NFIX: variants seen among roughly 807,000 people sequenced by gnomAD.
NFIX encodes nuclear factor I X.
NFIX carries 2 observed loss-of-function variants against 53.3 expected under a neutral mutation model. The ratio of observed to expected loss-of-function variants is 0.04; its 90% CI spans 0.02 to 0.12. NFIX has a LOEUF of 0.12. Among genes scored for constraint, NFIX ranks in the 10% least tolerant of loss-of-function variants. The probability of loss-of-function intolerance (pLI) is 1.00; values close to 1 mark genes in which losing one functional copy is unlikely to be tolerated. For missense variants in NFIX, 310 were observed against 674.5 expected (o/e 0.46, Z 5.99); for synonymous variants, 244 against 289.0 (o/e 0.84, Z 1.58).
Position 13,081,697 on chromosome 19 carries a change from G to A in NFIX, c.1096G>A (p.Ala366Thr). The A allele has an allele frequency of 6.2e-7, 1 of 1,613,706 alleles. No homozygotes were observed. Among genetic ancestry groups the A allele is most frequent in the Non-Finnish European group, 8.5e-7 (1 of 1,179,790 alleles). ...GVRPGSPRAT[A>T]SALHFPSTSI... Reference sequence around the variant, plus strand: ...GCATGCAGGGAGCCCCCGGGCCACAGCATCAGCCCTGCACTTCCCCTCCAC... The same window carrying A: ...GCATGCAGGGAGCCCCCGGGCCACAACATCAGCCCTGCACTTCCCCTCCAC... The change falls in exon 8 of 11, where the codon GCA becomes ACA. Residue 366 changes from alanine to threonine, a missense_variant. Physicochemically the swap from Ala to Thr is moderately conservative, Grantham distance 58. Around this residue, in one of 5 missense-constraint regions of NFIX, gnomAD observed 164 missense variants for 284.4 expected, o/e 0.58. Coordinates refer to ENST00000592199, the MANE Select transcript of NFIX (RefSeq NM_001365902.3). This position sits in a 1 kb window ranked among gnomAD's most constrained non-coding sequence, Gnocchi z 4.7.
At chr19:13,039,228 C>CACACA (rs1555698305) in intron 2 of NFIX, among the ~76,000 whole-genome samples, 15 of 144,524 alleles carry the variant, frequency 1.0e-4, no homozygotes, top group African/African-American at 4.0e-4. Flanking sequence ...ACACCCCCCC[C>CACACA]CACACACACA....
intron 2 of NFIX, among the ~76,000 whole-genome samples, chr19:13,065,116 C>T (rs993749232): frequency 3.3e-5 from 5 of 152,098 alleles, no homozygotes; most frequent in African/African-American, 1.2e-4. Context: ...TTCAGCATGC[C>T]CCCTTCGGCC....
chr19:13,044,898 C>A (rs916453421), intron 2 of NFIX, among the ~76,000 whole-genome samples: 1 of 152,214 alleles, frequency 6.6e-6, no homozygotes, highest in African/African-American at 2.4e-5. Flanking sequence ...GGCACAAAGA[C>A]AACAACCCTT....
intron 10 of NFIX, among the ~76,000 whole-genome samples, chr19:13,092,804 T>C (rs1035586757): frequency 3.3e-5 from 5 of 152,170 alleles, no homozygotes; most frequent in African/African-American, 9.7e-5. Flanking sequence ...TGCGGGCCGG[T>C]TCTCCCCCAC....
intron 2 of NFIX, among the ~76,000 whole-genome samples, chr19:13,035,880 G>A (rs1350162013): frequency 6.6e-6 from 1 of 152,290 alleles, no homozygotes; most frequent in East Asian, 1.9e-4. Flanking sequence ...GCTGCCTTTT[G>A]TACCCTTGCC....
At chr19:13,048,548 T>C (rs2015135700) in intron 2 of NFIX, among the ~76,000 whole-genome samples, 1 of 152,098 alleles carries the variant, frequency 6.6e-6, no homozygotes. Context: ...ATAATTCACA[T>C]AATAAAATTC....
At chr19:13,065,085 C>T (rs1269983503) in intron 2 of NFIX, among the ~76,000 whole-genome samples, 1 of 152,108 alleles carries the variant, frequency 6.6e-6, no homozygotes, top group Non-Finnish European at 1.5e-5. Flanking sequence ...CACCCACCTC[C>T]TTCCTCCTCC....
chr19:13,072,052 C>T lies in NFIX; in HGVS notation c.560-995C>T, dbSNP rs142615315. On this transcript the variant is annotated intron_variant, in intron 2 of 10. Coordinates refer to ENST00000592199, the MANE Select transcript of NFIX (RefSeq NM_001365902.3). This position sits in a 1 kb window ranked among gnomAD's most constrained non-coding sequence, Gnocchi z 4.0. Reference sequence around the variant, plus strand: ...ACCAAGGCACGTTTTTCAGATGCCACCCCCATGTGGTCCCCCTGTGAGCAG... The same window carrying T: ...ACCAAGGCACGTTTTTCAGATGCCATCCCCATGTGGTCCCCCTGTGAGCAG... 3.4e-3 allele frequency among the ~76,000 whole-genome samples: 523 copies of T among 152,330 alleles called. 6 individuals are homozygous for T. The highest frequency in any genetic ancestry group is 0.012 in the African/African-American group (507 of 41,570).
At chr19:13,010,828 T>C (rs1568257633) in intron 1 of NFIX, among the ~76,000 whole-genome samples, 2 of 152,174 alleles carry the variant, frequency 1.3e-5, no homozygotes, top group African/African-American at 4.8e-5. Flanking sequence ...TTCAGGTTGT[T>C]GCGGGAGCCG....
intron 6 of NFIX, among the ~76,000 whole-genome samples, chr19:13,075,872 G>A (rs2017069766): frequency 6.6e-6 from 1 of 152,184 alleles, no homozygotes; most frequent in African/African-American, 2.4e-5. Flanking sequence ...GAGGGGTGCT[G>A]TGAGAGTCAG....
At position 13,078,563 on chromosome 19, in the gene NFIX, C is replaced by T. The variant is rs1313236967; in HGVS notation, c.956-50C>T. On this transcript the variant is annotated intron_variant, in intron 6 of 10. Coordinates refer to ENST00000592199, the MANE Select transcript of NFIX (RefSeq NM_001365902.3). The surrounding 1 kb of genome is among the most constrained non-coding windows in gnomAD (Gnocchi z 4.7). ...TGCTGGCTTCCCGCCTTCCCCGCAC[C>T]CACCCCAGCCCAGCTAAACCTGCCC... The T allele has an allele frequency of 1.3e-6, 2 of 1,560,906 alleles. No homozygotes were observed. Among genetic ancestry groups the T allele is most frequent in the Admixed American group, 3.7e-5 (2 of 54,468 alleles).
chr19:13,035,304 G>A (rs920618859), intron 2 of NFIX, among the ~76,000 whole-genome samples: 1 of 152,200 alleles, frequency 6.6e-6, no homozygotes, highest in Non-Finnish European at 1.5e-5. Context: ...GAAGCAGTTT[G>A]GGGGCTTTCC....
At chr19:13,041,059 C>G (rs759955735) in intron 2 of NFIX, among the ~76,000 whole-genome samples, 1 of 152,192 alleles carries the variant, frequency 6.6e-6, no homozygotes, top group South Asian at 2.1e-4. Context: ...CCACCAGGCA[C>G]CCGGTCTTGG....
At chr19:12,999,085 C>T (rs917629268) in intron 1 of NFIX, among the ~76,000 whole-genome samples, 7 of 152,198 alleles carry the variant, frequency 4.6e-5, no homozygotes, top group African/African-American at 1.7e-4. Flanking sequence ...GACCCAAGGA[C>T]GGACAGGCGG....
chr19:12,997,302 C>G (rs2011504249), intron 1 of NFIX, among the ~76,000 whole-genome samples: 1 of 152,244 alleles, frequency 6.6e-6, no homozygotes, highest in Non-Finnish European at 1.5e-5. Context: ...AATCTAGAGT[C>G]TGTGTGTAGC....
In NFIX at chr19:13,002,761, T is replaced by C. The variant is rs1195817508; in HGVS notation, c.27+6897T>C. Among the ~76,000 whole-genome samples the C allele has an allele frequency of 6.6e-6, 1 of 151,916 alleles. No homozygotes were observed. The highest frequency in any genetic ancestry group is 1.5e-5 in the Non-Finnish European group (1 of 67,952). On this transcript the variant is annotated intron_variant, in intron 1 of 10. Transcript: ENST00000592199. This position sits in a 1 kb window ranked among gnomAD's most constrained non-coding sequence, Gnocchi z 6.1. ...CTCTGCAGCCAATCGGAAGCCGGGGTTGCACTGGGGAGCTCTCCCCCCACT... is the reference window on the plus strand; with the variant it reads ...CTCTGCAGCCAATCGGAAGCCGGGGCTGCACTGGGGAGCTCTCCCCCCACT...
At position 13,023,070 on chromosome 19, in the gene NFIX, TTC is replaced by T. The variant is rs3840930; in HGVS notation, c.28-1925_28-1924del. Among the ~76,000 whole-genome samples the T allele has an allele frequency of 1.6e-3, 216 of 138,114 alleles. 1 individual carries two copies. The highest frequency in any genetic ancestry group is 8.0e-3 in the East Asian group (38 of 4,776). 90.6% of individuals were successfully genotyped at this position (138,114 alleles called of 152,430 possible). A position where few individuals can be genotyped will look rare whatever the true frequency, so the allele number is the denominator to read the frequency against. ...CAAATAGGTGGATCCTTCTCTCTCTTTCTCTCTCTCTCTCTCTCTCTCTCTCT... is the reference window on the plus strand; with the variant it reads ...CAAATAGGTGGATCCTTCTCTCTCTTTCTCTCTCTCTCTCTCTCTCTCTCT... On this transcript the variant is annotated intron_variant, in intron 1 of 10. Coordinates refer to ENST00000592199, the MANE Select transcript of NFIX (RefSeq NM_001365902.3).
chr19:13,031,963 G>A (rs1468775911), intron 2 of NFIX, among the ~76,000 whole-genome samples: 4 of 151,484 alleles, frequency 2.6e-5, no homozygotes, highest in South Asian at 2.1e-4. Context: ...TGCCCTGTCC[G>A]TCCCATCCCT....
intron 1 of NFIX, chr19:13,023,932 C>A: frequency 1.7e-6 from 1 of 594,454 alleles, no homozygotes. Flanking sequence ...CTCCCCTGCT[C>A]CTCCTCCTCC....
Sources: allele counts gnomAD v4.1 joint callset (sites outside exome capture counted in the v4.1 genomes callset), GRCh38; gene constraint gnomAD v4.1.1; regional missense constraint gnomAD v4.1.1; non-coding constraint Gnocchi (gnomAD v3.1); transcripts MANE v1.5; gene names NCBI Gene and HGNC (gene_info 2026-07-23, HGNC 2026-07-21).